TASP1: variants seen among roughly 807,000 people sequenced by gnomAD.
The protein encoded by TASP1 is threonine aspartase 1.
In TASP1, 16 loss-of-function variants were observed where a neutral mutation model predicts 56.6. The ratio of observed to expected loss-of-function variants is 0.28; its 90% confidence interval spans 0.19 to 0.43. TASP1 has a LOEUF of 0.43. Ranked by LOEUF, TASP1 falls within the 20% of genes least tolerant of loss-of-function variation. The pLI is 1.00. For missense variants in TASP1, 393 were observed against 511.6 expected (o/e 0.77, Z 2.24); for synonymous variants, 179 against 184.2 (o/e 0.97, Z 0.23).
chr20:13,357,389 A>G, the TASP1 span, among the ~76,000 whole-genome samples: 2 of 152,192 alleles, frequency 1.3e-5, no homozygotes, highest in African/African-American at 4.8e-5. Flanking sequence ...TCAGATAACT[A>G]TTTTGTTGCT....
intron 13 of TASP1, among the ~76,000 whole-genome samples, chr20:13,391,574 CT>C (rs1568736906): frequency 6.6e-6 from 1 of 152,160 alleles, no homozygotes; most frequent in Non-Finnish European, 1.5e-5. Context: ...GTGTTTGAAG[CT>C]TCCTGTGGAG....
chr20:13,259,649 TAGA>T, the TASP1 span, among the ~76,000 whole-genome samples: 1 of 152,226 alleles, frequency 6.6e-6, no homozygotes, highest in African/African-American at 2.4e-5. Context: ...TAATGTCCTG[TAGA>T]GCCATAAAAC....
At chr20:13,351,537 A>G in the TASP1 span, among the ~76,000 whole-genome samples, 8 of 152,362 alleles carry the variant, frequency 5.3e-5, no homozygotes, top group South Asian at 1.7e-3. Flanking sequence ...CCATTCTCAA[A>G]TAGTTACATA....
the TASP1 span, among the ~76,000 whole-genome samples, chr20:13,361,040 G>A: frequency 6.6e-6 from 1 of 152,000 alleles, no homozygotes; most frequent in Non-Finnish European, 1.5e-5. Flanking sequence ...TTCCATCGTG[G>A]AAATCTATCC....
intron 13 of TASP1, among the ~76,000 whole-genome samples, chr20:13,395,980 T>C (rs1330710834): frequency 6.6e-6 from 1 of 152,026 alleles, no homozygotes; most frequent in Non-Finnish European, 1.5e-5. Context: ...ATTACAGGCA[T>C]GAGCCACTGC....
chr20:13,105,427 T>C, the TASP1 span, among the ~76,000 whole-genome samples: 2 of 152,178 alleles, frequency 1.3e-5, 1 homozygote, highest in African/African-American at 4.8e-5. Context: ...TTCCTCTTGC[T>C]TCCCTCCGCA....
chr20:13,349,930 C>T, the TASP1 span, among the ~76,000 whole-genome samples: 1 of 152,190 alleles, frequency 6.6e-6, no homozygotes, highest in South Asian at 2.1e-4. Flanking sequence ...GCAGGAAGAT[C>T]TCTTGAGCCC....
chr20:13,328,521 G>A, the TASP1 span, among the ~76,000 whole-genome samples: 1 of 152,102 alleles, frequency 6.6e-6, no homozygotes. Context: ...GTTCACTGCA[G>A]CACTATTCAC....
intron 8 of TASP1, among the ~76,000 whole-genome samples, chr20:13,543,683 C>G (rs1344082049): frequency 6.6e-6 from 1 of 152,192 alleles, no homozygotes; most frequent in East Asian, 1.9e-4. Context: ...CATTTCTCCA[C>G]AATACAAGAA....
chr20:13,110,050 A>T, the TASP1 span: 4 of 1,403,062 alleles, frequency 2.9e-6, no homozygotes, highest in Middle Eastern at 2.0e-4. Context: ...TGGAAAAAGA[A>T]AGTGGAAAAG....
intron 11 of TASP1, among the ~76,000 whole-genome samples, chr20:13,439,395 C>T (rs1274617379): frequency 6.6e-6 from 1 of 152,162 alleles, no homozygotes; most frequent in Non-Finnish European, 1.5e-5. Flanking sequence ...TCTCAGCAAA[C>T]TATCGCAAGG....
Position 13,496,278 on chromosome 20 carries a change from C to G in TASP1, c.875-12941G>C, listed in dbSNP as rs2043724244. 2.0e-5 allele frequency among the ~76,000 whole-genome samples: 3 copies of G among 152,116 alleles called. No homozygotes were observed. The South Asian group carries it at 6.2e-4, about 32-fold the overall frequency. On this transcript the variant is annotated intron_variant, in intron 10 of 13. Transcript: ENST00000337743. ...CCATGTTGGCCAGGCTGGTCTCAAACTCCTGACCTCAGGTGATCCACCCGC... is the reference window on the plus strand; with the variant it reads ...CCATGTTGGCCAGGCTGGTCTCAAAGTCCTGACCTCAGGTGATCCACCCGC...
At chr20:13,347,046 A>G in the TASP1 span, among the ~76,000 whole-genome samples, 1 of 152,372 alleles carries the variant, frequency 6.6e-6, no homozygotes, top group African/African-American at 2.4e-5. Flanking sequence ...AAGTGTTGAT[A>G]TGGTAACTGA....
chr20:13,295,508 C>T, the TASP1 span, among the ~76,000 whole-genome samples: 1 of 152,174 alleles, frequency 6.6e-6, no homozygotes, highest in Non-Finnish European at 1.5e-5. Context: ...ATGAATGCTA[C>T]CTGGAGAGCC....
At chr20:13,320,642 A>G in the TASP1 span, among the ~76,000 whole-genome samples, 1 of 152,184 alleles carries the variant, frequency 6.6e-6, no homozygotes, top group Non-Finnish European at 1.5e-5. Context: ...TCTCTCATTA[A>G]AAAACAGAAG....
intron 10 of TASP1, among the ~76,000 whole-genome samples, chr20:13,502,577 A>G (rs1202523300): frequency 6.6e-6 from 1 of 152,186 alleles, no homozygotes; most frequent in Non-Finnish European, 1.5e-5. Context: ...AAGCAAGGGA[A>G]TGATACACAA....
the TASP1 span, among the ~76,000 whole-genome samples, chr20:13,351,308 C>G: frequency 1.3e-5 from 2 of 152,140 alleles, no homozygotes; most frequent in East Asian, 3.8e-4. Context: ...CCATATGACC[C>G]AAAAACCCCA....
At chr20:13,174,389 C>A in the TASP1 span, among the ~76,000 whole-genome samples, 1 of 152,132 alleles carries the variant, frequency 6.6e-6, no homozygotes, top group Non-Finnish European at 1.5e-5. Context: ...TTATAATGAT[C>A]TTGAATTATA....
At chr20:13,552,260 G>T (rs1185972073) in intron 8 of TASP1, among the ~76,000 whole-genome samples, 1 of 152,092 alleles carries the variant, frequency 6.6e-6, no homozygotes, top group South Asian at 2.1e-4. Flanking sequence ...TGCACATCAC[G>T]ATCAGTGACC....
Sources: allele counts gnomAD v4.1 joint callset (sites outside exome capture counted in the v4.1 genomes callset), GRCh38; gene constraint gnomAD v4.1.1; transcripts MANE v1.5; gene names NCBI Gene and HGNC (gene_info 2026-07-23, HGNC 2026-07-21).